Variants in FDFT1 observed in about 807,000 individuals in gnomAD.
The protein encoded by FDFT1 is squalene synthase.
Under a neutral mutation model 46.8 loss-of-function variants are expected in FDFT1, and 68 were observed. That is an observed-to-expected ratio of 1.45 (90% CI 1.19 to 1.78). FDFT1 has a LOEUF of 1.78. Among genes scored for constraint, FDFT1 ranks in the 40% most tolerant of loss-of-function variants. FDFT1 has a pLI of 0.00. For missense variants in FDFT1, 928 were observed against 524.4 expected, an observed-to-expected ratio of 1.77 and a Z score of -7.52; for synonymous variants, 351 against 185.1, an observed-to-expected ratio of 1.90 and a Z score of -7.28.
At chr8:11,834,581 C>G (rs1022284099) in intron 7 of FDFT1, among the ~76,000 whole-genome samples, 1 of 151,474 alleles carries the variant, frequency 6.6e-6, no homozygotes, top group Non-Finnish European at 1.5e-5. Context: ...AGACATCCAG[C>G]CCCCACCCAA....
intron 2 of FDFT1, chr8:11,809,316 A>T (rs1807374606): frequency 9.2e-7 from 1 of 1,091,084 alleles, no homozygotes; most frequent in South Asian, 3.3e-5. Flanking sequence ...TTATACTGAG[A>T]AGTTACTGTG....
At chr8:11,830,898 G>C (rs529247860) in intron 6 of FDFT1, among the ~76,000 whole-genome samples, 8 of 152,312 alleles carry the variant, frequency 5.3e-5, no homozygotes, top group African/African-American at 1.9e-4. Context: ...AAGTATTGCA[G>C]ATACTACTGC....
At chr8:11,837,447 G>A (rs1188345693) in intron 7 of FDFT1, among the ~76,000 whole-genome samples, 1 of 152,166 alleles carries the variant, frequency 6.6e-6, no homozygotes, top group Non-Finnish European at 1.5e-5. Context: ...GTCCAGGCTG[G>A]TCTTAAACGC....
At chr8:11,826,369 G>T (rs777576318) in intron 5 of FDFT1, among the ~76,000 whole-genome samples, 154 bp downstream of exon 5, 1 of 152,212 alleles carries the variant, frequency 6.6e-6, no homozygotes, top group Non-Finnish European at 1.5e-5. Context: ...ACATGAGTTT[G>T]CTTCAGGTAG....
At chr8:11,797,638 C>CAAAAA (rs34350077), upstream of FDFT1, among the ~76,000 whole-genome samples, 455 of 75,426 alleles carry the variant, frequency 6.0e-3, 10 homozygotes, top group African/African-American at 0.022. Context: ...CACACACACT[C>CAAAAA]AAAAAAAAAA....
At chr8:11,824,234 C>T (rs992827812) in intron 4 of FDFT1, among the ~76,000 whole-genome samples, 1 of 152,010 alleles carries the variant, frequency 6.6e-6, no homozygotes, top group African/African-American at 2.4e-5. Flanking sequence ...AACTAATAGA[C>T]AATTATTGTA....
At chr8:11,831,063 A>G (rs2130875088) in intron 6 of FDFT1, among the ~76,000 whole-genome samples, 1 of 152,338 alleles carries the variant, frequency 6.6e-6, no homozygotes, top group Middle Eastern at 3.4e-3. Flanking sequence ...AGCACAGGAA[A>G]TTAATCCCCT....
chr8:11,833,214 C>T (rs1461752016), intron 7 of FDFT1, among the ~76,000 whole-genome samples: 4 of 152,192 alleles, frequency 2.6e-5, no homozygotes, highest in Non-Finnish European at 5.9e-5. Flanking sequence ...GTAGCCAGAA[C>T]TTACTTTGAT....
intron 1 of FDFT1, among the ~76,000 whole-genome samples, chr8:11,796,207 A>G (rs1434501760): frequency 6.6e-6 from 1 of 152,256 alleles, no homozygotes; most frequent in Non-Finnish European, 1.5e-5. Flanking sequence ...GGGAGTATGT[A>G]AAGTGTTTCT....
chr8:11,813,987 G>C (rs1808094227), intron 3 of FDFT1, among the ~76,000 whole-genome samples: 1 of 152,156 alleles, frequency 6.6e-6, no homozygotes, highest in South Asian at 2.1e-4. Context: ...TTTTAGAACT[G>C]TACAATTACG....
At chr8:11,826,310 C>G (rs1809980139) in intron 5 of FDFT1, 95 bp downstream of exon 5, 6 of 880,844 alleles carry the variant, frequency 6.8e-6, no homozygotes, top group East Asian at 5.1e-5. Flanking sequence ...AAAAACAAGT[C>G]AGGCCTCCCC....
At chr8:11,803,800 C>G (rs1040116178) in intron 1 of FDFT1, 1 of 162,058 alleles carries the variant, frequency 6.2e-6, no homozygotes, top group African/African-American at 2.4e-5. Flanking sequence ...TCAGTAAACA[C>G]ACTAGAAAAT....
intron 3 of FDFT1, among the ~76,000 whole-genome samples, chr8:11,820,073 T>A (rs1046568476): frequency 1.3e-5 from 2 of 152,208 alleles, no homozygotes; most frequent in African/African-American, 4.8e-5. Context: ...TTCCTTTGTT[T>A]GTTAGTTTTC....
Position 11,838,876 on chromosome 8 carries a change from A to T in FDFT1, c.*267A>T, listed in dbSNP as rs1811944077. 3 of 469,100 alleles carry T rather than the reference A, an allele frequency of 6.4e-6. No individual in the cohort carries two copies. Among genetic ancestry groups the T allele is most frequent in the Non-Finnish European group, 1.2e-5 (3 of 258,942 alleles). The allele number at this position is 469,100 out of a possible 1,614,324, so 29.1% of individuals were successfully genotyped here. The stretch of plus-strand genomic sequence containing the variant: ...GGCAGAGCATTCAGTGCCACGGTTT[A>T]GGTGAAGTCGCTGCATATGTGACTG... On this transcript the variant is annotated 3_prime_UTR_variant, in exon 8 of 8. Transcript: ENST00000220584.
rs1806320465 is a variant in FDFT1, at chr8:11,802,940, A to G, written c.99+9A>G. ...TGCCCAAGATGGACCAGGTGGGCCGAGCCTCCCTGCTTGCCCGGGGCGGGG... is the reference window on the plus strand; with the variant it reads ...TGCCCAAGATGGACCAGGTGGGCCGGGCCTCCCTGCTTGCCCGGGGCGGGG... On this transcript the variant is annotated intron_variant, in intron 1 of 7. Transcript: ENST00000220584. 1 of 1,595,924 alleles carries G rather than the reference A, an allele frequency of 6.3e-7. No homozygotes were observed. Among genetic ancestry groups the G allele is most frequent in the East Asian group, 2.3e-5 (1 of 44,254 alleles).
rs541127908 is a variant in FDFT1, at chr8:11,808,991, C to A, written c.197+100C>A. ...TTTGATATAGCGCTCAGCGTTGCAG[C>A]CTCGTTGCTGTGGCTTATCCAGAAC... On this transcript the variant is annotated intron_variant, in intron 2 of 7. Transcript: ENST00000220584. 1.4e-4 allele frequency: 216 copies of A among 1,507,966 alleles called. 1 individual carries two copies. In the East Asian group the frequency reaches 5.3e-3, roughly 37 times the overall value. 93.4% of individuals were successfully genotyped at this position (1,507,966 alleles called of 1,614,324 possible). A position where few individuals can be genotyped will look rare whatever the true frequency, so the allele number is the denominator to read the frequency against.
At chr8:11,798,075 T>G (rs1306239160), upstream of FDFT1, 1 of 152,226 alleles carries the variant, frequency 6.6e-6, no homozygotes, top group Non-Finnish European at 1.5e-5. Context: ...CAAGTGTGTG[T>G]TTTTATTTTT....
Position 11,802,889 on chromosome 8 carries a change from C to T in FDFT1, c.57C>T (p.Phe19=). ...AAGAGTTCTACAACCTGGTGCGCTT[C>T]CGGATCGGGGGCAAGCGGAAGGTGA... The part of the protein sequence containing the change: ...HPEEFYNLVR[F]RIGGKRKVMP... The change falls in exon 1 of 8, where the codon TTC becomes TTT. Residue 19 remains phenylalanine (F), a synonymous_variant. Transcript: ENST00000220584. 1.2e-6 allele frequency: 2 copies of T among 1,612,144 alleles called. No individual in the cohort carries two copies. The highest frequency in any genetic ancestry group is 1.1e-5 in the South Asian group (1 of 90,668).
At chr8:11,828,559 C>T (rs1810330463) in intron 5 of FDFT1, among the ~76,000 whole-genome samples, 1 of 152,240 alleles carries the variant, frequency 6.6e-6, no homozygotes, top group Non-Finnish European at 1.5e-5. Context: ...GACAGAACAT[C>T]AGCCACGGGC....
Sources: gnomAD v4.1 joint callset for allele counts (sites outside exome capture counted in the v4.1 genomes callset) on GRCh38, gnomAD v4.1.1 for gene constraint, MANE v1.5 for transcripts, NCBI Gene and HGNC (gene_info 2026-07-23, HGNC 2026-07-21) for gene names.